Variants in TAFA2 observed in about 807,000 individuals in gnomAD.
The protein encoded by TAFA2 is TAFA chemokine like family member 2, also known as chemokine-like protein TAFA-2.
In TAFA2, 7 loss-of-function variants were observed where a neutral mutation model predicts 18.8. The ratio of observed to expected loss-of-function variants is 0.37; its 90% confidence interval spans 0.21 to 0.70. The LOEUF is 0.70. Ranked by LOEUF, TAFA2 falls within the 30% of genes least tolerant of loss-of-function variation. The probability of loss-of-function intolerance (pLI) is 0.53; values close to 1 mark genes in which losing one functional copy is unlikely to be tolerated. For missense variants in TAFA2, 122 were observed against 158.1 expected (o/e 0.77, Z 1.23); for synonymous variants, 60 against 54.2 (o/e 1.11, Z -0.47).
chr12:61,976,864 T>C (rs1206614908), intron 1 of TAFA2, among the ~76,000 whole-genome samples: 1 of 152,114 alleles, frequency 6.6e-6, no homozygotes, highest in Non-Finnish European at 1.5e-5. Context: ...CATCCTTTTT[T>C]ATGGCTGCAT....
intron 1 of TAFA2, among the ~76,000 whole-genome samples, chr12:62,157,574 T>C (rs193153725): frequency 6.6e-5 from 10 of 152,308 alleles, no homozygotes; most frequent in Non-Finnish European, 2.9e-5. Context: ...TCCACCTCTA[T>C]CTACCTCACT....
intron 1 of TAFA2, among the ~76,000 whole-genome samples, chr12:62,220,223 A>G (rs1197791483): frequency 6.6e-6 from 1 of 152,154 alleles, no homozygotes; most frequent in Non-Finnish European, 1.5e-5. Flanking sequence ...ACTAATCATT[A>G]CTTTTAAAAA....
chr12:62,059,195 G>A (rs1398692261), intron 1 of TAFA2, among the ~76,000 whole-genome samples: 2 of 149,238 alleles, frequency 1.3e-5, no homozygotes, highest in African/African-American at 2.5e-5. Context: ...GCATGAGCCT[G>A]TAGTCCCAGC....
chr12:62,236,890 T>G (rs560247113), intron 1 of TAFA2, among the ~76,000 whole-genome samples: 5 of 152,328 alleles, frequency 3.3e-5, no homozygotes, highest in African/African-American at 1.2e-4. Flanking sequence ...ATCTTTGTTC[T>G]TGACTTTTGA....
intron 1 of TAFA2, among the ~76,000 whole-genome samples, chr12:62,201,578 G>C (rs2062671174): frequency 6.6e-6 from 1 of 152,166 alleles, no homozygotes; most frequent in African/African-American, 2.4e-5. Context: ...TTGCATCCCA[G>C]GGATGAAGAC....
At chr12:62,250,034 TCA>T (rs2062905108) in intron 1 of TAFA2, among the ~76,000 whole-genome samples, 1 of 152,208 alleles carries the variant, frequency 6.6e-6, no homozygotes, top group Non-Finnish European at 1.5e-5. Context: ...TTTATTTGTC[TCA>T]GATTCTGATG....
At chr12:62,118,027 A>G (rs1330473088) in intron 1 of TAFA2, among the ~76,000 whole-genome samples, 1 of 152,082 alleles carries the variant, frequency 6.6e-6, no homozygotes, top group Non-Finnish European at 1.5e-5. Context: ...TTTTCCCAAA[A>G]CAAATATTGG....
At chr12:62,238,046 T>TAGGCATTTGCAATGCTTCCCATGAA (rs1244475649) in intron 1 of TAFA2, among the ~76,000 whole-genome samples, 1 of 152,178 alleles carries the variant, frequency 6.6e-6, no homozygotes, top group African/African-American at 2.4e-5. Flanking sequence ...TTTCTCCCTA[T>TAGGCATTTGCAATGCTTCCCATGAA]AGGCATTTGC....
intron 2 of TAFA2, among the ~76,000 whole-genome samples, chr12:61,824,114 A>G (rs996579327): frequency 5.3e-5 from 8 of 152,192 alleles, no homozygotes; most frequent in Non-Finnish European, 1.2e-4. Context: ...GTAGAAATGG[A>G]CACTACAGGA....
At chr12:62,108,560 A>C (rs1006397500) in intron 1 of TAFA2, among the ~76,000 whole-genome samples, 9 of 152,206 alleles carry the variant, frequency 5.9e-5, no homozygotes, top group African/African-American at 2.2e-4. Context: ...AGGAATCGCC[A>C]CACTGTCTTC....
At chr12:62,141,062 T>C (rs1486551698) in intron 1 of TAFA2, among the ~76,000 whole-genome samples, 2 of 152,334 alleles carry the variant, frequency 1.3e-5, no homozygotes, top group East Asian at 3.9e-4. Context: ...GCAGATTTCT[T>C]TATCCTCATT....
At chr12:62,128,721 G>T (rs1870564657) in intron 1 of TAFA2, among the ~76,000 whole-genome samples, 1 of 151,978 alleles carries the variant, frequency 6.6e-6, no homozygotes, top group Admixed American at 6.6e-5. Context: ...CATATTAGGT[G>T]TTTAATATGT....
intron 1 of TAFA2, among the ~76,000 whole-genome samples, chr12:62,173,111 G>C (rs1017901377): frequency 6.6e-6 from 1 of 151,568 alleles, no homozygotes; most frequent in Non-Finnish European, 1.5e-5. Flanking sequence ...ACGGAAAAAA[G>C]ATTTCCAAAA....
chr12:62,117,136 C>G (rs12309125), intron 1 of TAFA2, among the ~76,000 whole-genome samples: 22,935 of 152,136 alleles, frequency 0.15, 1,840 homozygotes, highest in East Asian at 0.31. Flanking sequence ...TTTAATATCA[C>G]TCAGTCTGTA....
chr12:61,754,497 G>T (rs918751002), intron 3 of TAFA2, among the ~76,000 whole-genome samples: 12 of 150,906 alleles, frequency 8.0e-5, no homozygotes, highest in African/African-American at 2.7e-4. Context: ...TAATTCTTAA[G>T]AATATCCATG....
intron 4 of TAFA2, among the ~76,000 whole-genome samples, chr12:61,718,470 GTGTT>G (rs1488393773): frequency 7.9e-5 from 12 of 152,116 alleles, no homozygotes; most frequent in African/African-American, 2.9e-4. Flanking sequence ...CACACACACT[GTGTT>G]TGTTTCAGGT....
At chr12:61,750,428 A>T (rs1240641515) in intron 4 of TAFA2, among the ~76,000 whole-genome samples, 1 of 152,118 alleles carries the variant, frequency 6.6e-6, no homozygotes, top group Non-Finnish European at 1.5e-5. Flanking sequence ...TATGCAACAA[A>T]ACACTCAAGT....
intron 2 of TAFA2, among the ~76,000 whole-genome samples, chr12:61,792,327 T>C (rs1296406419): frequency 6.6e-6 from 1 of 151,596 alleles, no homozygotes; most frequent in East Asian, 1.9e-4. Context: ...GGTGTTTTAT[T>C]GCACAGTAGA....
intron 1 of TAFA2, among the ~76,000 whole-genome samples, chr12:62,238,744 T>C (rs1457898264): frequency 6.6e-6 from 1 of 152,254 alleles, no homozygotes; most frequent in Non-Finnish European, 1.5e-5. Context: ...AAGTACTTAC[T>C]AAATATTTGT....
Sources: gnomAD v4.1 joint callset for allele counts (sites outside exome capture counted in the v4.1 genomes callset) on GRCh38, gnomAD v4.1.1 for gene constraint, MANE v1.5 for transcripts, NCBI Gene and HGNC (gene_info 2026-07-23, HGNC 2026-07-21) for gene names.